The following PADI3 variants were observed in gnomAD, a reference collection of about 807,000 sequenced individuals.
PADI3 encodes protein-arginine deiminase type-3.
In PADI3, 53 loss-of-function variants were observed where a neutral mutation model predicts 71.5. That is an observed-to-expected ratio of 0.74 (90% CI 0.59 to 0.93). The LOEUF is 0.93. PADI3 is among the 40% of genes least tolerant of loss of function. The probability of loss-of-function intolerance (pLI) is 0.00; values close to 1 mark genes in which losing one functional copy is unlikely to be tolerated. For synonymous variants in PADI3, 361 were observed against 347.5 expected, an observed-to-expected ratio of 1.04 and a Z score of -0.43; for missense variants, 821 against 868.0, an observed-to-expected ratio of 0.95 and a Z score of 0.68.
At chr1:17,251,129 C>G (rs1178327212) in intron 1 of PADI3, among the ~76,000 whole-genome samples, 1 of 152,166 alleles carries the variant, frequency 6.6e-6, no homozygotes, top group Admixed American at 6.5e-5. Context: ...CCATTCAGAG[C>G]CTTGAAGGAT....
At position 17,249,116 on chromosome 1, in the gene PADI3, C is replaced by T. The variant is rs2072933094; in HGVS notation, c.-22C>T. The T allele has an allele frequency of 6.2e-7, 1 of 1,608,740 alleles. No homozygotes were observed. The highest frequency in any genetic ancestry group is 8.5e-7 in the Non-Finnish European group (1 of 1,175,176). ...CAGGGGCAGTGTTGGGGTTGGCGGC[C>T]ACAGCTAAGTCCAACACCAGCATGT... is the stretch of plus-strand genomic sequence containing the variant. On this transcript the variant is annotated 5_prime_UTR_variant, in exon 1 of 16. Transcript: ENST00000375460.
chr1:17,258,312 A>G lies in PADI3; in HGVS notation c.93-1266A>G, dbSNP rs77638094. ...GAGCCCCATCTGGCTGCCCTGGACAATGTTGGTCCTCAGCTCCCCAGCGGG... is the reference window on the plus strand; with the variant it reads ...GAGCCCCATCTGGCTGCCCTGGACAGTGTTGGTCCTCAGCTCCCCAGCGGG... On this transcript the variant is annotated intron_variant, in intron 1 of 15. Transcript: ENST00000375460. Among the ~76,000 whole-genome samples, 421 of 152,268 alleles carry G rather than the reference A, an allele frequency of 2.8e-3. 4 individuals are homozygous for G. Among genetic ancestry groups the G allele is most frequent in the African/African-American group, 9.7e-3 (403 of 41,548 alleles).
chr1:17,276,724 G>A (rs899483076), intron 12 of PADI3, 50 bp from the exon 13 acceptor site: 1 of 1,613,868 alleles, frequency 6.2e-7, no homozygotes, highest in Admixed American at 1.7e-5. Flanking sequence ...TGAGCTCCAG[G>A]GCGCCATGCC....
chr1:17,283,086 TC>T lies in PADI3; in HGVS notation c.*10del. 1 of 1,608,478 alleles carries T rather than the reference TC, an allele frequency of 6.2e-7. No homozygotes were observed. ...GTGGAACATGGTGCCCTGAGACAGC[TC>T]CCACCCACCATCCTGTCCCCCTGGG... On this transcript the variant is annotated 3_prime_UTR_variant, in exon 16 of 16. Coordinates refer to ENST00000375460, the MANE Select transcript of PADI3 (RefSeq NM_016233.2).
At chr1:17,251,592 A>C (rs887890900) in intron 1 of PADI3, among the ~76,000 whole-genome samples, 1 of 152,224 alleles carries the variant, frequency 6.6e-6, no homozygotes, top group Non-Finnish European at 1.5e-5. Context: ...TTTTATAGAT[A>C]AGAAAACAAA....
At chr1:17,253,884 C>A (rs972872371) in intron 1 of PADI3, among the ~76,000 whole-genome samples, 17 of 152,100 alleles carry the variant, frequency 1.1e-4, no homozygotes, top group Admixed American at 1.3e-4. Flanking sequence ...CCATATGGAC[C>A]CTGAAGGGGT....
intron 7 of PADI3, 71 bp downstream of exon 7, chr1:17,270,482 C>CA (rs1465001584): frequency 4.0e-6 from 5 of 1,241,846 alleles, no homozygotes; most frequent in Admixed American, 2.8e-5. Flanking sequence ...AACCCCATCT[C>CA]TACAAAAAAA....
chr1:17,273,975 G>A (rs555983312), intron 10 of PADI3, among the ~76,000 whole-genome samples: 7 of 152,238 alleles, frequency 4.6e-5, no homozygotes, highest in South Asian at 4.2e-4. Context: ...GTGTGTGTGC[G>A]CGCACCACTA....
chr1:17,269,150 A>G (rs576129201), intron 6 of PADI3, among the ~76,000 whole-genome samples: 1 of 152,016 alleles, frequency 6.6e-6, no homozygotes, highest in South Asian at 2.1e-4. Flanking sequence ...CTCTCAAAGT[A>G]CTAGGATTAT....
Position 17,273,547 on chromosome 1 carries a change from G to T in PADI3, c.1155+100G>T, listed in dbSNP as rs575978775. The T allele has an allele frequency of 1.5e-5, 10 of 677,238 alleles. No homozygotes were observed. In the African/African-American group the frequency reaches 1.8e-4, roughly 12 times the overall value. 42.0% of individuals were successfully genotyped at this position (677,238 alleles called of 1,614,324 possible). ...TACAGAGGGCAGCAGTGGGAACCGT[G>T]CTCTTTAGGGATGAGGGTAGGGTTG... On this transcript the variant is annotated intron_variant, in intron 10 of 15. Coordinates refer to ENST00000375460, the MANE Select transcript of PADI3 (RefSeq NM_016233.2).
intron 1 of PADI3, among the ~76,000 whole-genome samples, chr1:17,258,397 T>G (rs1375292223): frequency 1.3e-5 from 2 of 152,206 alleles, no homozygotes; most frequent in African/African-American, 4.8e-5. Context: ...GAGTGCACAG[T>G]GGGCACCCCA....
chr1:17,269,594 T>TTTG (rs960958378), intron 6 of PADI3, among the ~76,000 whole-genome samples: 1 of 152,034 alleles, frequency 6.6e-6, no homozygotes, highest in Non-Finnish European at 1.5e-5. Flanking sequence ...TTATTGTTTG[T>TTTG]TTGTTGTTGT....
In PADI3 at chr1:17,283,158, G is replaced by A. The variant is rs1181304004; in HGVS notation, c.*79G>A. The A allele has an allele frequency of 5.4e-6, 6 of 1,107,128 alleles. No individual in the cohort carries two copies. The highest frequency in any genetic ancestry group is 2.0e-4 in the Middle Eastern group (1 of 4,900). 68.6% of individuals were successfully genotyped at this position (1,107,128 alleles called of 1,614,324 possible). A position where few individuals can be genotyped will look rare whatever the true frequency, so the allele number is the denominator to read the frequency against. On this transcript the variant is annotated 3_prime_UTR_variant, in exon 16 of 16. Coordinates refer to ENST00000375460, the MANE Select transcript of PADI3 (RefSeq NM_016233.2). ...TGGAGACAGAGACAGGCCCCTGAAC[G>A]ATAAGCACCAAGAGACCCCAAGGCT...
At chr1:17,255,108 G>A (rs919748029) in intron 1 of PADI3, among the ~76,000 whole-genome samples, 8 of 152,188 alleles carry the variant, frequency 5.3e-5, no homozygotes, top group Admixed American at 5.2e-4. Context: ...CGGTTCCAAG[G>A]CCCCACCTGG....
At chr1:17,280,310 T>C (rs1216056819) in intron 13 of PADI3, 40 bp from the exon 14 acceptor site, 1 of 1,525,696 alleles carries the variant, frequency 6.6e-7, no homozygotes, top group South Asian at 1.1e-5. Flanking sequence ...CTCACGTTGG[T>C]GCTGTCCCTG....
intron 1 of PADI3, among the ~76,000 whole-genome samples, chr1:17,259,353 C>G (rs2073071218): frequency 6.6e-6 from 1 of 152,228 alleles, no homozygotes; most frequent in African/African-American, 2.4e-5. Flanking sequence ...TCCGCCTCGG[C>G]TTCCCAAAGT....
chr1:17,253,684 C>A (rs898653612), intron 1 of PADI3, among the ~76,000 whole-genome samples: 1 of 152,210 alleles, frequency 6.6e-6, no homozygotes, highest in African/African-American at 2.4e-5. Context: ...TTTTCAGGAT[C>A]CGCTGGGGAT....
intron 1 of PADI3, among the ~76,000 whole-genome samples, chr1:17,257,994 T>A (rs1016336686): frequency 6.6e-6 from 1 of 152,062 alleles, no homozygotes; most frequent in Non-Finnish European, 1.5e-5. Context: ...TGGGCAAGAG[T>A]GTGGACTGAG....
intron 1 of PADI3, 62 bp downstream of exon 1, chr1:17,249,291 C>T: frequency 7.3e-7 from 1 of 1,378,222 alleles, no homozygotes; most frequent in Non-Finnish European, 1.0e-6. Context: ...GACCTTCCTC[C>T]CTGCAGGCTG....
Sources: gnomAD v4.1 joint callset for allele counts (sites outside exome capture counted in the v4.1 genomes callset) on GRCh38, gnomAD v4.1.1 for gene constraint, MANE v1.5 for transcripts, NCBI Gene and HGNC (gene_info 2026-07-23, HGNC 2026-07-21) for gene names.